The following DYSF variants were observed in gnomAD, a reference collection of about 807,000 sequenced individuals.
DYSF encodes dysferlin.
A neutral mutation model predicts 274.9 loss-of-function variants in DYSF; 212 were observed. The observed-to-expected ratio is 0.77, with a 90% CI of 0.69 to 0.86. The LOEUF is 0.86. DYSF is among the 40% of genes least tolerant of loss of function. The probability of loss-of-function intolerance (pLI) is 0.00; values close to 1 mark genes in which losing one functional copy is unlikely to be tolerated. For synonymous variants in DYSF, 1,091 were observed against 1,078.7 expected (o/e 1.01, Z -0.22); for missense variants, 2,666 against 2,783.2 (o/e 0.96, Z 0.95).
At chr2:71,547,929 G>C (rs140297811) in intron 17 of DYSF, among the ~76,000 whole-genome samples, 57 of 152,334 alleles carry the variant, frequency 3.7e-4, no homozygotes, top group African/African-American at 1.3e-3. Flanking sequence ...GGCCAGGCCT[G>C]TTAGTAATCA....
intron 3 of DYSF, among the ~76,000 whole-genome samples, chr2:71,486,783 C>T (rs2083402169): frequency 6.6e-6 from 1 of 152,176 alleles, no homozygotes; most frequent in Non-Finnish European, 1.5e-5. Context: ...AGCTCCACTC[C>T]TTAGGGTGGA....
At chr2:71,493,859 AAAAAAAAAAAAAAAAG>A (rs2084112658) in intron 3 of DYSF, among the ~76,000 whole-genome samples, 1 of 149,928 alleles carries the variant, frequency 6.7e-6, no homozygotes, top group African/African-American at 2.4e-5. Flanking sequence ...CTCAAAAAAA[AAAAAAAAAAAAAAAAG>A]AAAGAAAGAA....
chr2:71,530,331 G>C (rs1404800839), intron 14 of DYSF, among the ~76,000 whole-genome samples: 1 of 152,180 alleles, frequency 6.6e-6, no homozygotes, highest in Non-Finnish European at 1.5e-5. Context: ...TATTTCGATG[G>C]TGGCTAGAAC....
At chr2:71,646,116 A>C (rs1418820058) in intron 42 of DYSF, among the ~76,000 whole-genome samples, 2 of 152,238 alleles carry the variant, frequency 1.3e-5, no homozygotes, top group Admixed American at 1.3e-4. Flanking sequence ...AGGCACAGGC[A>C]GCAGCAGCTG....
chr2:71,458,929 CT>C (rs1192404337), intron 1 of DYSF, among the ~76,000 whole-genome samples: 1 of 152,200 alleles, frequency 6.6e-6, no homozygotes, highest in African/African-American at 2.4e-5. Context: ...CCAGGACTGT[CT>C]GATTGTTTCC....
In DYSF at chr2:71,686,504, C is replaced by T; in HGVS notation, c.*12C>T. The T allele has an allele frequency of 1.2e-6, 2 of 1,614,054 alleles. No homozygotes were observed. The highest frequency in any genetic ancestry group is 8.5e-7 in the Non-Finnish European group (1 of 1,179,994). ...AGCCCTTCAGCTGAGGACTCTCCTG[C>T]CCTGTAGAAGGGGCCGTGGGGTCCC... On this transcript the variant is annotated 3_prime_UTR_variant, in exon 56 of 56. Transcript: ENST00000410020.
chr2:71,621,850 G>A (rs377002238), intron 41 of DYSF, among the ~76,000 whole-genome samples: 14 of 151,824 alleles, frequency 9.2e-5, no homozygotes, highest in African/African-American at 1.9e-4. Flanking sequence ...TAGTAGAGAC[G>A]GGGTTTCACC....
In DYSF at chr2:71,611,588, A is replaced by C; in HGVS notation, c.4183A>C (p.Asn1395His). ...QSCVIRNLRK[N>H]PNFDICTLFM... ...CTGTGTCATCAGGAACCTCCGGAAG[A>C]ACCCCAACTTTGACATCTGCACCCT... The change falls in exon 38 of 56, where the codon AAC (asparagine) becomes CAC (histidine). Residue 1395 changes from asparagine to histidine, a missense_variant. Around this residue, in one of 3 missense-constraint regions of DYSF, gnomAD observed 1,460 missense variants for 1,502.1 expected, o/e 0.97. Transcript: ENST00000410020. The C allele has an allele frequency of 1.2e-6, 2 of 1,614,020 alleles. No homozygotes were observed. Among genetic ancestry groups the C allele is most frequent in the Non-Finnish European group, 1.7e-6 (2 of 1,179,990 alleles).
At position 71,612,621 on chromosome 2, in the gene DYSF, G is replaced by T. The variant is rs111935215; in HGVS notation, c.4222-20G>T. ...CCCAGAGGGGGATTCAGGCCAGTGC[G>T]TTCTTCCTCCTCCACCCAGATGCTG... On this transcript the variant is annotated intron_variant, in intron 38 of 55. Coordinates refer to ENST00000410020, the MANE Select transcript of DYSF (RefSeq NM_001130987.2). The T allele has an allele frequency of 6.2e-7, 1 of 1,612,974 alleles. No homozygotes were observed. Among genetic ancestry groups the T allele is most frequent in the African/African-American group, 1.3e-5 (1 of 75,032 alleles).
intron 36 of DYSF, among the ~76,000 whole-genome samples, chr2:71,606,527 G>A (rs1368990109): frequency 6.6e-6 from 1 of 152,086 alleles, no homozygotes; most frequent in Non-Finnish European, 1.5e-5. Context: ...GAGAATTACT[G>A]TCCTGGAGAG....
chr2:71,486,452 C>G (rs929676167), intron 3 of DYSF, among the ~76,000 whole-genome samples: 2 of 152,000 alleles, frequency 1.3e-5, no homozygotes, highest in Non-Finnish European at 2.9e-5. Context: ...TGCCCCTCCT[C>G]GATCCTCACC....
At chr2:71,572,930 A>C (rs576316413) in intron 29 of DYSF, among the ~76,000 whole-genome samples, 30 of 152,310 alleles carry the variant, frequency 2.0e-4, no homozygotes, top group South Asian at 1.9e-3. Context: ...CACAGATGCC[A>C]TGGGATACTG....
At chr2:71,571,539 C>T (rs1384270850) in intron 29 of DYSF, among the ~76,000 whole-genome samples, 11 of 131,614 alleles carry the variant, frequency 8.4e-5, no homozygotes, top group Admixed American at 5.3e-4. Flanking sequence ...AGCACACACA[C>T]ATCACACCCA....
At position 71,497,417 on chromosome 2, in the gene DYSF, C is replaced by T. The variant is rs150244470; in HGVS notation, c.240-5797C>T. ...AATCATGGGGACAGTTATCTTCACCCGGTTCTCGTGATCTGAGGTTTTATA... is the reference window on the plus strand; with the variant it reads ...AATCATGGGGACAGTTATCTTCACCTGGTTCTCGTGATCTGAGGTTTTATA... On this transcript the variant is annotated intron_variant, in intron 3 of 55. Transcript: ENST00000410020. 9.0e-3 allele frequency among the ~76,000 whole-genome samples: 1,371 copies of T among 152,246 alleles called. 25 individuals carry two copies. Among genetic ancestry groups the T allele is most frequent in the African/African-American group, 0.031 (1,298 of 41,540 alleles).
At chr2:71,495,870 G>T (rs531146890) in intron 3 of DYSF, among the ~76,000 whole-genome samples, 1 of 152,008 alleles carries the variant, frequency 6.6e-6, no homozygotes, top group Admixed American at 6.5e-5. Context: ...GAAGAGAAGG[G>T]TTCACTGTGG....
At chr2:71,682,820 GC>G in intron 55 of DYSF, 143 bp downstream of exon 55, 1 of 1,236,498 alleles carries the variant, frequency 8.1e-7, no homozygotes. Flanking sequence ...AGGATACAGA[GC>G]CCAGCTCTGG....
chr2:71,655,494 A>G (rs2094751301), intron 42 of DYSF, among the ~76,000 whole-genome samples: 1 of 152,254 alleles, frequency 6.6e-6, no homozygotes, highest in Non-Finnish European at 1.5e-5. Context: ...GCATAATAAA[A>G]AACAGCTTGC....
rs200391394 is a variant in DYSF, at chr2:71,528,433, G to A, written c.1380+32G>A. On this transcript the variant is annotated intron_variant, in intron 14 of 55. Coordinates refer to ENST00000410020, the MANE Select transcript of DYSF (RefSeq NM_001130987.2). ...AGCAAGGGAGCAGGAGGGTTCTCTC[G>A]GGAGGGGACTTTCTGGTGCCCTGTG... The A allele has an allele frequency of 2.1e-5, 33 of 1,580,784 alleles. No individual in the cohort carries two copies. In the East Asian group the frequency reaches 4.7e-4, roughly 23 times the overall value.
chr2:71,526,413 G>A (rs2087919846), intron 13 of DYSF, 67 bp downstream of exon 13: 4 of 1,354,022 alleles, frequency 3.0e-6, no homozygotes, highest in East Asian at 2.5e-5. Context: ...GGTGGGGGTG[G>A]GCGATGGCGG....
Sources: gnomAD v4.1 joint callset for allele counts (sites outside exome capture counted in the v4.1 genomes callset) on GRCh38, gnomAD v4.1.1 for gene constraint, gnomAD v4.1.1 regional missense constraint, MANE v1.5 for transcripts, NCBI Gene and HGNC (gene_info 2026-07-23, HGNC 2026-07-21) for gene names.